CACNA1D: variants seen among roughly 807,000 people sequenced by gnomAD.
CACNA1D encodes the protein calcium voltage-gated channel subunit alpha1 D.
In CACNA1D, 55 loss-of-function variants were observed where a neutral mutation model predicts 257.1. The observed-to-expected ratio is 0.21, with a 90% CI of 0.17 to 0.27. The LOEUF (loss-of-function observed/expected upper bound fraction) is 0.27. Ranked by LOEUF, CACNA1D falls within the 10% of genes least tolerant of loss-of-function variation. The pLI, the probability that CACNA1D is intolerant of heterozygous loss-of-function variation, is 1.00. For missense variants in CACNA1D, 1,876 were observed against 2,784.0 expected (o/e 0.67, Z 7.34); for synonymous variants, 980 against 1,014.9 (o/e 0.97, Z 0.65).
chr3:53,582,088 C>T (rs2093141791), intron 3 of CACNA1D, among the ~76,000 whole-genome samples: 3 of 152,146 alleles, frequency 2.0e-5, no homozygotes, highest in South Asian at 4.2e-4. Context: ...AGTATATTCT[C>T]CTGTGTTTTT....
At chr3:53,735,612 G>A in intron 20 of CACNA1D, 109 bp downstream of exon 20, 1 of 1,248,054 alleles carries the variant, frequency 8.0e-7, no homozygotes. Context: ...GCTAGAGTAG[G>A]TCTTTCCTTC....
chr3:53,808,123 ACTC>A (rs1235567590), intron 45 of CACNA1D: 2 of 168,866 alleles, frequency 1.2e-5, no homozygotes, highest in Non-Finnish European at 1.3e-5. Context: ...GGCTGCCTTC[ACTC>A]CTCCTCCTGA....
At chr3:53,645,496 T>A (rs2094009363) in intron 3 of CACNA1D, among the ~76,000 whole-genome samples, 1 of 152,176 alleles carries the variant, frequency 6.6e-6, no homozygotes. Flanking sequence ...TTTTTGTATA[T>A]GGGGTGAGAG....
At chr3:53,522,905 C>T (rs1401134678) in intron 3 of CACNA1D, among the ~76,000 whole-genome samples, 1 of 152,232 alleles carries the variant, frequency 6.6e-6, no homozygotes, top group Admixed American at 6.5e-5. Context: ...TAACCAACCT[C>T]TCTTCATCCC....
chr3:53,501,088 A>G (rs1383041412), intron 2 of CACNA1D, among the ~76,000 whole-genome samples: 1 of 152,228 alleles, frequency 6.6e-6, no homozygotes, highest in African/African-American at 2.4e-5. Context: ...AGTTATAGGT[A>G]GAATGAGAAG....
At chr3:53,564,874 T>A (rs1350611977) in intron 3 of CACNA1D, among the ~76,000 whole-genome samples, 3 of 152,178 alleles carry the variant, frequency 2.0e-5, no homozygotes, top group Non-Finnish European at 1.5e-5. Context: ...AAGAAAACCT[T>A]TTCTACCATG....
chr3:53,673,167 G>T lies in CACNA1D; in HGVS notation c.1220+41G>T. 1 of 1,387,826 alleles carries T rather than the reference G, an allele frequency of 7.2e-7. No individual in the cohort carries two copies. The highest frequency in any genetic ancestry group is 1.2e-5 in the South Asian group (1 of 80,460). 86.0% of individuals were successfully genotyped at this position (1,387,826 alleles called of 1,614,324 possible). A position where few individuals can be genotyped will look rare whatever the true frequency, so the allele number is the denominator to read the frequency against. ...TTCATCTTGAAAGCAGAGTCCTGAGGACAGTTGCCAAGACCACACAAGCTT... is the reference window on the plus strand; with the variant it reads ...TTCATCTTGAAAGCAGAGTCCTGAGTACAGTTGCCAAGACCACACAAGCTT... On this transcript the variant is annotated intron_variant, in intron 8 of 47. Coordinates refer to ENST00000350061, the MANE Select transcript of CACNA1D (RefSeq NM_001128840.3). This position sits in a 1 kb window ranked among gnomAD's most constrained non-coding sequence, Gnocchi z 4.1.
chr3:53,555,292 T>C (rs1048453309), intron 3 of CACNA1D, among the ~76,000 whole-genome samples: 9 of 152,182 alleles, frequency 5.9e-5, no homozygotes, highest in Non-Finnish European at 8.8e-5. Context: ...GTGGAAAATA[T>C]TGAGCATTTG....
At chr3:53,791,207 T>G (rs1439892920) in intron 40 of CACNA1D, 2 of 574,862 alleles carry the variant, frequency 3.5e-6, no homozygotes, top group Non-Finnish European at 6.2e-6. Flanking sequence ...CCGTGGCTCA[T>G]CTGCGGAGCC....
chr3:53,572,427 T>C (rs945862123), intron 3 of CACNA1D, among the ~76,000 whole-genome samples: 15 of 151,914 alleles, frequency 9.9e-5, no homozygotes, highest in African/African-American at 3.6e-4. Context: ...AGAGATTGGG[T>C]CTCATTCTGT....
At chr3:53,532,834 C>T (rs2091992514) in intron 3 of CACNA1D, among the ~76,000 whole-genome samples, 1 of 152,188 alleles carries the variant, frequency 6.6e-6, no homozygotes, top group African/African-American at 2.4e-5. Flanking sequence ...CCCCCGCTCT[C>T]CTTTTATCCA....
At chr3:53,571,522 G>T (rs2092943332) in intron 3 of CACNA1D, among the ~76,000 whole-genome samples, 1 of 151,892 alleles carries the variant, frequency 6.6e-6, no homozygotes, top group Non-Finnish European at 1.5e-5. Context: ...GGTGTGTTTG[G>T]CCAGGATCCC....
chr3:53,665,072 G>C (rs2094247933), intron 5 of CACNA1D, among the ~76,000 whole-genome samples: 1 of 152,162 alleles, frequency 6.6e-6, no homozygotes, highest in Non-Finnish European at 1.5e-5. Context: ...TCGTGAGTTT[G>C]CCCACATCCT....
At chr3:53,553,024 C>A (rs904496216) in intron 3 of CACNA1D, among the ~76,000 whole-genome samples, 1 of 152,142 alleles carries the variant, frequency 6.6e-6, no homozygotes, top group Non-Finnish European at 1.5e-5. Flanking sequence ...CGGGAGCATT[C>A]AAAAATTACT....
intron 3 of CACNA1D, among the ~76,000 whole-genome samples, chr3:53,609,439 A>T (rs1270829): frequency 6.6e-6 from 1 of 150,704 alleles, no homozygotes; most frequent in Non-Finnish European, 1.5e-5. Flanking sequence ...AAAAACTTCA[A>T]GTTATTAAAT....
intron 3 of CACNA1D, among the ~76,000 whole-genome samples, chr3:53,566,468 C>T (rs2092839092): frequency 6.6e-6 from 1 of 152,182 alleles, no homozygotes; most frequent in Non-Finnish European, 1.5e-5. Context: ...CCCATAATAG[C>T]ACCCACATTC....
At chr3:53,562,850 C>A (rs1294161160) in intron 3 of CACNA1D, among the ~76,000 whole-genome samples, 1 of 152,142 alleles carries the variant, frequency 6.6e-6, no homozygotes, top group African/African-American at 2.4e-5. Flanking sequence ...ACATCCCATC[C>A]CCACAATAAC....
At chr3:53,567,103 G>A (rs1038677044) in intron 3 of CACNA1D, among the ~76,000 whole-genome samples, 15 of 152,290 alleles carry the variant, frequency 9.8e-5, no homozygotes, top group South Asian at 6.2e-4. Context: ...TTATGGAGAC[G>A]ATAATCTTGG....
At chr3:53,689,108 G>A (rs191760514) in intron 8 of CACNA1D, among the ~76,000 whole-genome samples, 1 of 152,312 alleles carries the variant, frequency 6.6e-6, no homozygotes, top group Non-Finnish European at 1.5e-5. Flanking sequence ...ACAGCAGAGG[G>A]TTGGCAAGTC....
Sources: allele counts gnomAD v4.1 joint callset (sites outside exome capture counted in the v4.1 genomes callset), GRCh38; gene constraint gnomAD v4.1.1; non-coding constraint Gnocchi (gnomAD v3.1); transcripts MANE v1.5; gene names NCBI Gene and HGNC (gene_info 2026-07-23, HGNC 2026-07-21).